Variants in DMXL1 observed in about 807,000 individuals in gnomAD.
The protein encoded by DMXL1 is Dmx like 1.
In DMXL1, 99 loss-of-function variants were observed where a neutral mutation model predicts 319.2. The ratio of observed to expected loss-of-function variants is 0.31; its 90% CI spans 0.26 to 0.37. The LOEUF (loss-of-function observed/expected upper bound fraction) is 0.37. DMXL1 is among the 10% of genes least tolerant of loss of function. The pLI is 1.00. For missense variants in DMXL1, 3,745 were observed against 3,595.6 expected (o/e 1.04, Z -1.06); for synonymous variants, 1,385 against 1,235.2 (o/e 1.12, Z -2.54).
At chr5:119,157,019 T>G (rs1349529936) in intron 19 of DMXL1, among the ~76,000 whole-genome samples, 1 of 152,126 alleles carries the variant, frequency 6.6e-6, no homozygotes, top group Non-Finnish European at 1.5e-5. Context: ...CTCTGGTTTT[T>G]TTTTTTTTCC....
Position 119,150,163 on chromosome 5 carries a change from C to T in DMXL1, c.4336C>T (p.Leu1446Phe), listed in dbSNP as rs772618591. 8.7e-6 allele frequency: 14 copies of T among 1,613,554 alleles called. No homozygotes were observed. The East Asian group carries it at 2.7e-4, about 31-fold the overall frequency. ...NQLSKESYDE[L>F]FQTQLLMTDT... ...ATTATCTAAAGAAAGTTATGATGAG[C>T]TTTTTCAGACTCAACTTCTAATGAC... The change falls in exon 18 of 44, where the codon CTT (leucine) becomes TTT (phenylalanine). Residue 1446 changes from leucine (L) to phenylalanine (F), a missense_variant. By Grantham distance (22) the Leu-to-Phe change is conservative. This residue lies in a region of DMXL1 where 2,096 missense variants were observed against 1,985.4 expected (regional missense o/e 1.06). Coordinates refer to ENST00000539542, the MANE Select transcript of DMXL1 (RefSeq NM_001290321.3).
chr5:119,220,594 G>A lies in DMXL1; in HGVS notation c.8135+1G>A, dbSNP rs1784481866. 1 of 1,610,820 alleles carries A rather than the reference G, an allele frequency of 6.2e-7. No homozygotes were observed. Among genetic ancestry groups the A allele is most frequent in the Non-Finnish European group, 8.5e-7 (1 of 1,179,154 alleles). On this transcript the variant is annotated splice_donor_variant, in intron 36 of 43. Coordinates refer to ENST00000539542, the MANE Select transcript of DMXL1 (RefSeq NM_001290321.3). LOFTEE classifies it high-confidence loss of function. Reference sequence around the variant, plus strand: ...ATGATATAGAAGTGGAAACCAAAGGGTACCTTCATAGTTTGTTTCTATTTA... The same window carrying A: ...ATGATATAGAAGTGGAAACCAAAGGATACCTTCATAGTTTGTTTCTATTTA...
chr5:119,192,444 C>T (rs147448039), intron 29 of DMXL1, among the ~76,000 whole-genome samples: 6 of 152,082 alleles, frequency 3.9e-5, no homozygotes, highest in African/African-American at 1.4e-4. Context: ...AGCTGCTATC[C>T]CATTTCTCTG....
chr5:119,247,936 C>T lies in DMXL1; in HGVS notation c.*717C>T, dbSNP rs1302217574. ...TGCCACCAGAATAACTTTTTTTTTG[C>T]AACTGTGCTTTTCATTTTTAAAAAA... On this transcript the variant is annotated 3_prime_UTR_variant, in exon 44 of 44. Transcript: ENST00000539542. The T allele has an allele frequency of 6.7e-6, 1 of 149,920 alleles. No individual in the cohort carries two copies. Among genetic ancestry groups the T allele is most frequent in the African/African-American group, 2.5e-5 (1 of 40,732 alleles). 9.3% of individuals were successfully genotyped at this position (149,920 alleles called of 1,614,324 possible). A position where few individuals can be genotyped will look rare whatever the true frequency, so the allele number is the denominator to read the frequency against.
intron 41 of DMXL1, 66 bp from the exon 42 acceptor site, chr5:119,240,353 T>A (rs778378234): frequency 2.7e-5 from 31 of 1,162,082 alleles, no homozygotes; most frequent in Non-Finnish European, 3.3e-5. Context: ...CACACAGTTA[T>A]ATATGACATA....
At chr5:119,133,432 C>G in intron 11 of DMXL1, 47 bp downstream of exon 11, 1 of 1,585,084 alleles carries the variant, frequency 6.3e-7, no homozygotes, top group Non-Finnish European at 8.6e-7. Flanking sequence ...TATGTGGGTA[C>G]TATTTTCTAA....
intron 39 of DMXL1, among the ~76,000 whole-genome samples, chr5:119,235,210 A>C (rs1489506218): frequency 6.6e-6 from 1 of 152,190 alleles, no homozygotes; most frequent in Non-Finnish European, 1.5e-5. Context: ...TATTTCAGAA[A>C]AACTAAGTGT....
intron 34 of DMXL1, among the ~76,000 whole-genome samples, chr5:119,208,690 A>T (rs1393826463): frequency 6.6e-6 from 1 of 150,386 alleles, no homozygotes; most frequent in Admixed American, 6.6e-5. Context: ...TATATAGTTT[A>T]AAAAAAAAAT....
intron 27 of DMXL1, 67 bp downstream of exon 27, chr5:119,177,551 C>CGG (rs1554129320): frequency 5.9e-6 from 8 of 1,367,124 alleles, no homozygotes; most frequent in Non-Finnish European, 7.9e-6. Context: ...AGTAGAAAGA[C>CGG]TTTTAGTTTT....
At chr5:119,174,882 A>G (rs1292438077) in intron 25 of DMXL1, among the ~76,000 whole-genome samples, 1 of 152,202 alleles carries the variant, frequency 6.6e-6, no homozygotes, top group Non-Finnish European at 1.5e-5. Context: ...CCGTTGGTGA[A>G]CTGTCAGTTA....
At chr5:119,219,659 C>T (rs1784319229) in intron 35 of DMXL1, among the ~76,000 whole-genome samples, 1 of 152,094 alleles carries the variant, frequency 6.6e-6, no homozygotes, top group South Asian at 2.1e-4. Flanking sequence ...CCTCGACCTC[C>T]TGGGCTCAAG....
At chr5:119,126,183 T>A (rs979823998) in intron 9 of DMXL1, among the ~76,000 whole-genome samples, 1 of 152,160 alleles carries the variant, frequency 6.6e-6, no homozygotes, top group Non-Finnish European at 1.5e-5. Flanking sequence ...CTTGGGAGGC[T>A]GAGGCAGGAG....
At chr5:119,088,378 T>G (rs1753839851) in intron 1 of DMXL1, among the ~76,000 whole-genome samples, 1 of 152,216 alleles carries the variant, frequency 6.6e-6, no homozygotes, top group African/African-American at 2.4e-5. Context: ...AGTATAGAGT[T>G]GGTTCTTTTT....
chr5:119,089,618 G>C (rs1459956451), intron 1 of DMXL1, among the ~76,000 whole-genome samples: 2 of 124,468 alleles, frequency 1.6e-5, no homozygotes, highest in Non-Finnish European at 3.2e-5. Flanking sequence ...CTTCATTTTT[G>C]GTACTGCCTT....
At chr5:119,122,334 C>A (rs1233972008) in intron 9 of DMXL1, among the ~76,000 whole-genome samples, 1 of 148,312 alleles carries the variant, frequency 6.7e-6, no homozygotes, top group African/African-American at 2.5e-5. Context: ...ACCTCCCTCC[C>A]GGAGGGGGCG....
At chr5:119,158,413 T>C (rs1042730204) in intron 19 of DMXL1, among the ~76,000 whole-genome samples, 3 of 152,192 alleles carry the variant, frequency 2.0e-5, no homozygotes, top group Non-Finnish European at 2.9e-5. Context: ...TAAGATTGTG[T>C]TGTTAGCAAA....
intron 24 of DMXL1, 95 bp from the exon 25 acceptor site, chr5:119,171,683 T>C (rs1306433223): frequency 2.2e-6 from 2 of 921,924 alleles, no homozygotes; most frequent in Non-Finnish European, 3.2e-6. Flanking sequence ...ATTTTTTAAT[T>C]GTTTTGAAGT....
In DMXL1 at chr5:119,098,117, C is replaced by T; in HGVS notation, c.213+13C>T. On this transcript the variant is annotated intron_variant, in intron 2 of 43. Coordinates refer to ENST00000539542, the MANE Select transcript of DMXL1 (RefSeq NM_001290321.3). ...GCAACAAGGCAAGGTTTGTAATCTT[C>T]TTCTAATATACAAATTTGTTTGGAA... 1 of 1,595,176 alleles carries T rather than the reference C, an allele frequency of 6.3e-7. No individual in the cohort carries two copies. Among genetic ancestry groups the T allele is most frequent in the Non-Finnish European group, 8.5e-7 (1 of 1,175,156 alleles).
chr5:119,091,037 T>C (rs1754690031), intron 1 of DMXL1, among the ~76,000 whole-genome samples: 1 of 152,140 alleles, frequency 6.6e-6, no homozygotes, highest in Non-Finnish European at 1.5e-5. Flanking sequence ...TTATTAACTT[T>C]TTCTGATAAA....
Sources: allele counts gnomAD v4.1 joint callset (sites outside exome capture counted in the v4.1 genomes callset), GRCh38; gene constraint gnomAD v4.1.1; regional missense constraint gnomAD v4.1.1; transcripts MANE v1.5; gene names NCBI Gene and HGNC (gene_info 2026-07-23, HGNC 2026-07-21).